FGF9: variants seen among roughly 807,000 people sequenced by gnomAD.
FGF9 encodes fibroblast growth factor 9 (glia-activating factor).
A neutral mutation model predicts 19.9 loss-of-function variants in FGF9; 3 were observed. That is an observed-to-expected ratio of 0.15 (90% CI 0.07 to 0.39). The LOEUF is 0.39. Among genes scored for constraint, FGF9 ranks in the 10% least tolerant of loss-of-function variants. FGF9 has a pLI of 1.00. For missense variants in FGF9, 175 were observed against 256.8 expected (o/e 0.68, Z 2.18); for synonymous variants, 107 against 106.9 (o/e 1.00, Z -0.01).
In FGF9 at chr13:21,672,579, G is replaced by A. The variant is rs532387021; in HGVS notation, c.277+390G>A. 3.9e-5 allele frequency among the ~76,000 whole-genome samples: 6 copies of A among 152,332 alleles called. No homozygotes were observed. Among genetic ancestry groups the A allele is most frequent in the South Asian group, 2.1e-4 (1 of 4,824 alleles). ...TAAGAACTTAATGCAGTTTCTTGAAGGCAGTGGGTATCTTGTGCCCAAATT... is the reference window on the plus strand; with the variant it reads ...TAAGAACTTAATGCAGTTTCTTGAAAGCAGTGGGTATCTTGTGCCCAAATT... On this transcript the variant is annotated intron_variant, in intron 1 of 2. Coordinates refer to ENST00000382353, the MANE Select transcript of FGF9 (RefSeq NM_002010.3). This position sits in a 1 kb window ranked among gnomAD's most constrained non-coding sequence, Gnocchi z 4.2.
chr13:21,699,907 A>C, intron 2 of FGF9, among the ~76,000 whole-genome samples: 1 of 152,188 alleles, frequency 6.6e-6, no homozygotes, highest in Non-Finnish European at 1.5e-5. Context: ...GTTTCAGTTG[A>C]ACAGTGAGAA....
At chr13:21,673,556 T>G (rs1871821258) in intron 1 of FGF9, among the ~76,000 whole-genome samples, 1 of 152,132 alleles carries the variant, frequency 6.6e-6, no homozygotes, top group African/African-American at 2.4e-5. Flanking sequence ...AACTATCCCC[T>G]CCCCACCCCA....
chr13:21,695,069 CGTGTGTGTGTGTGCGTGTGTGT>C (rs960603325), intron 2 of FGF9, among the ~76,000 whole-genome samples: 4 of 143,490 alleles, frequency 2.8e-5, no homozygotes, highest in African/African-American at 1.0e-4. Context: ...AAGATGTGTG[CGTGTGTGTGTGTGCGTGTGTGT>C]GTGTGTGTGT....
intron 2 of FGF9, among the ~76,000 whole-genome samples, chr13:21,698,161 C>G (rs1245999038): frequency 6.6e-6 from 1 of 152,148 alleles, no homozygotes; most frequent in Non-Finnish European, 1.5e-5. Context: ...GTGGAAGGGC[C>G]TGGTCCCAAG....
intron 2 of FGF9, among the ~76,000 whole-genome samples, chr13:21,690,013 C>T (rs188659142): frequency 6.6e-6 from 1 of 152,308 alleles, no homozygotes; most frequent in Admixed American, 6.5e-5. Context: ...CTGGAGAACC[C>T]CTCAACCAGA....
In FGF9 at chr13:21,703,177, G is replaced by A. The variant is rs537499694; in HGVS notation, c.*1742G>A. 1.4e-4 allele frequency: 21 copies of A among 152,222 alleles called. No homozygotes were observed. The highest frequency in any genetic ancestry group is 4.3e-4 in the African/African-American group (18 of 41,532). 9.4% of individuals were successfully genotyped at this position (152,222 alleles called of 1,614,324 possible). Reference sequence around the variant, plus strand: ...GTTGTGTTGAGAAGTGCAAAGTGACGGTTTAAACATGTGTTGGGATTTATT... The same window carrying A: ...GTTGTGTTGAGAAGTGCAAAGTGACAGTTTAAACATGTGTTGGGATTTATT... On this transcript the variant is annotated 3_prime_UTR_variant, in exon 3 of 3. Coordinates refer to ENST00000382353, the MANE Select transcript of FGF9 (RefSeq NM_002010.3).
At position 21,704,272 on chromosome 13, in the gene FGF9, G is replaced by GA. The variant is rs1872605400; in HGVS notation, c.*2839dup. 6.6e-6 allele frequency: 1 copy of GA among 152,188 alleles called. No homozygotes were observed. Among genetic ancestry groups the GA allele is most frequent in the Non-Finnish European group, 1.5e-5 (1 of 68,038 alleles). 9.4% of individuals were successfully genotyped at this position (152,188 alleles called of 1,614,324 possible). On this transcript the variant is annotated 3_prime_UTR_variant, in exon 3 of 3. Coordinates refer to ENST00000382353, the MANE Select transcript of FGF9 (RefSeq NM_002010.3). ...TGAACAACCTTCCCATCTGTCATGTGAATGTCCCCAAGCAGTGGTGAAGGA... is the reference window on the plus strand; with the variant it reads ...TGAACAACCTTCCCATCTGTCATGTGAAATGTCCCCAAGCAGTGGTGAAGGA...
At chr13:21,693,575 A>T (rs766213729) in intron 2 of FGF9, among the ~76,000 whole-genome samples, 18 of 151,842 alleles carry the variant, frequency 1.2e-4, no homozygotes, top group Non-Finnish European at 2.2e-4. Flanking sequence ...TTGTTTTCTT[A>T]TGGGATTTGG....
intron 1 of FGF9, among the ~76,000 whole-genome samples, chr13:21,673,099 C>T (rs1315859536): frequency 2.0e-5 from 3 of 151,716 alleles, no homozygotes; most frequent in East Asian, 3.9e-4. Flanking sequence ...CCCAACGGCA[C>T]GAAGTCAACT....
chr13:21,684,332 T>TC (rs1872109373), intron 2 of FGF9, among the ~76,000 whole-genome samples: 1 of 146,512 alleles, frequency 6.8e-6, no homozygotes, highest in African/African-American at 2.5e-5. Context: ...GACCACATTC[T>TC]TTTTTTTTTT....
Position 21,671,529 on chromosome 13 carries a change from C to T in FGF9, c.-384C>T, listed in dbSNP as rs1263945322. On this transcript the variant is annotated 5_prime_UTR_variant, in exon 1 of 3. Transcript: ENST00000382353. ...TAATAACGCCTAGGCATTTAAGTTGCTATGGTCATTCTGATCTCAAACCAA... is the reference window on the plus strand; with the variant it reads ...TAATAACGCCTAGGCATTTAAGTTGTTATGGTCATTCTGATCTCAAACCAA... 1.6e-5 allele frequency: 8 copies of T among 506,234 alleles called. No individual in the cohort carries two copies. The highest frequency in any genetic ancestry group is 1.6e-4 in the African/African-American group (8 of 51,558). The allele number at this position is 506,234 out of a possible 1,614,324, so 31.4% of individuals were successfully genotyped here.
In FGF9 at chr13:21,702,164, C is replaced by T. The variant is rs941553019; in HGVS notation, c.*729C>T. On this transcript the variant is annotated 3_prime_UTR_variant, in exon 3 of 3. Coordinates refer to ENST00000382353, the MANE Select transcript of FGF9 (RefSeq NM_002010.3). Reference sequence around the variant, plus strand: ...TTTAGGCTCTGTAAGCATTAAATGGCAAAGTCCGCTATGAACCTGTGGTAA... The same window carrying T: ...TTTAGGCTCTGTAAGCATTAAATGGTAAAGTCCGCTATGAACCTGTGGTAA... The T allele has an allele frequency of 5.3e-5, 8 of 151,926 alleles. No individual in the cohort carries two copies. The highest frequency in any genetic ancestry group is 1.9e-4 in the African/African-American group (8 of 41,330). 9.4% of individuals were successfully genotyped at this position (151,926 alleles called of 1,614,324 possible). A position where few individuals can be genotyped will look rare whatever the true frequency, so the allele number is the denominator to read the frequency against.
chr13:21,698,285 G>T (rs1872461510), intron 2 of FGF9, among the ~76,000 whole-genome samples: 1 of 152,192 alleles, frequency 6.6e-6, no homozygotes, highest in Non-Finnish European at 1.5e-5. Context: ...TCTGGGCCTT[G>T]CTGTCCCATG....
chr13:21,703,011 A>G lies in FGF9; in HGVS notation c.*1576A>G, dbSNP rs904025526. On this transcript the variant is annotated 3_prime_UTR_variant, in exon 3 of 3. Coordinates refer to ENST00000382353, the MANE Select transcript of FGF9 (RefSeq NM_002010.3). ...AAGAATACGTATTTCTTTAGTAGCA[A>G]TAATTTTGGAACTTGCCCTTGGGCA... The G allele has an allele frequency of 6.6e-6, 1 of 152,356 alleles. No individual in the cohort carries two copies. Among genetic ancestry groups the G allele is most frequent in the Non-Finnish European group, 1.5e-5 (1 of 68,034 alleles). The allele number at this position is 152,356 out of a possible 1,614,324, so 9.4% of individuals were successfully genotyped here.
At chr13:21,675,497 G>A (rs950551570) in intron 1 of FGF9, among the ~76,000 whole-genome samples, 4 of 152,048 alleles carry the variant, frequency 2.6e-5, no homozygotes, top group Non-Finnish European at 4.4e-5. Flanking sequence ...CACAGGCGCC[G>A]GGAGGGGGCG....
intron 2 of FGF9, among the ~76,000 whole-genome samples, chr13:21,692,998 C>A (rs7991329): frequency 0.78 from 118,696 of 152,154 alleles, 47,218 homozygotes; most frequent in East Asian, 0.96. Context: ...TTATTTTTTA[C>A]ATGGTGAACT....
intron 2 of FGF9, among the ~76,000 whole-genome samples, chr13:21,684,373 A>G (rs915673941): frequency 1.3e-5 from 2 of 151,850 alleles, no homozygotes; most frequent in Non-Finnish European, 2.9e-5. Flanking sequence ...TGGCTCTTGT[A>G]CATAGTAGGT....
chr13:21,700,522 CAT>C (rs1458305373), intron 2 of FGF9, among the ~76,000 whole-genome samples: 1 of 152,216 alleles, frequency 6.6e-6, no homozygotes, highest in Admixed American at 6.5e-5. Context: ...AAAAACCACT[CAT>C]AGAGAGTAGT....
chr13:21,698,493 C>T (rs1481177541), intron 2 of FGF9, among the ~76,000 whole-genome samples: 1 of 152,190 alleles, frequency 6.6e-6, no homozygotes, highest in East Asian at 1.9e-4. Flanking sequence ...GATGAGGTTA[C>T]TGAGACTTGG....
Sources: gnomAD v4.1 joint callset for allele counts (sites outside exome capture counted in the v4.1 genomes callset) on GRCh38, gnomAD v4.1.1 for gene constraint, Gnocchi (gnomAD v3.1) non-coding constraint, MANE v1.5 for transcripts, NCBI Gene and HGNC (gene_info 2026-07-23, HGNC 2026-07-21) for gene names.